Variants in GREB1 observed in about 807,000 individuals in gnomAD.
GREB1 encodes the protein protein GREB1.
GREB1 carries 106 observed loss-of-function variants against 200.7 expected under a neutral mutation model. The ratio of observed to expected loss-of-function variants is 0.53; its 90% CI spans 0.45 to 0.62. The LOEUF (loss-of-function observed/expected upper bound fraction) is 0.62. Ranked by LOEUF, GREB1 falls within the 20% of genes least tolerant of loss-of-function variation. The pLI, the probability that GREB1 is intolerant of heterozygous loss-of-function variation, is 0.00. For synonymous variants in GREB1, 1,132 were observed against 1,092.4 expected (o/e 1.04, Z -0.72); for missense variants, 2,243 against 2,556.8 (o/e 0.88, Z 2.65).
chr2:11,618,396 G>C lies in GREB1; in HGVS notation c.3521G>C (p.Gly1174Ala), dbSNP rs777852827. The change falls in exon 22 of 33, where the codon GGT becomes GCT. Residue 1174 changes from glycine to alanine, a missense_variant. Gly to Ala is a moderately conservative substitution (Grantham distance 60). Around this residue, in one of 3 missense-constraint regions of GREB1, gnomAD observed 587 missense variants for 553.1 expected, o/e 1.06. Coordinates refer to ENST00000381486, the MANE Select transcript of GREB1 (RefSeq NM_014668.4). ...CCCGCAGAGGAGGGCAGAGCCCCTG[G>C]TGAGAAACAGAGGCCCCGGGCAAGT... ...RGPAEEGRAP[G>A]EKQRPRASQG... The C allele has an allele frequency of 1.4e-5, 22 of 1,611,344 alleles. No individual in the cohort carries two copies. In the East Asian group the frequency reaches 4.9e-4, roughly 36 times the overall value.
intron 13 of GREB1, among the ~76,000 whole-genome samples, chr2:11,596,702 T>A (rs1681275749): frequency 1.5e-5 from 1 of 66,016 alleles, no homozygotes; most frequent in African/African-American, 6.2e-5. Flanking sequence ...GGGGCACAGG[T>A]GTGTACAGTG....
At chr2:11,626,230 C>A (rs991518616) in intron 24 of GREB1, among the ~76,000 whole-genome samples, 2 of 152,032 alleles carry the variant, frequency 1.3e-5, no homozygotes, top group Non-Finnish European at 2.9e-5. Flanking sequence ...ACTGAGGATC[C>A]TTCTCGTAGG....
chr2:11,489,881 G>A (rs1382249216), intron 1 of GREB1, among the ~76,000 whole-genome samples: 3 of 151,738 alleles, frequency 2.0e-5, no homozygotes, highest in Admixed American at 6.6e-5. Context: ...TGTTAAGGCT[G>A]AGCAGTATCT....
At chr2:11,487,686 C>G (rs527389872) in intron 1 of GREB1, among the ~76,000 whole-genome samples, 17 of 152,342 alleles carry the variant, frequency 1.1e-4, no homozygotes, top group Middle Eastern at 3.4e-3. Context: ...TTGTGAGCCT[C>G]TGTGTTCATC....
chr2:11,551,822 C>T (rs1675879061), intron 1 of GREB1, among the ~76,000 whole-genome samples: 1 of 152,212 alleles, frequency 6.6e-6, no homozygotes, highest in African/African-American at 2.4e-5. Flanking sequence ...CTACTCAGCC[C>T]TCCTGGCCTG....
At chr2:11,634,388 TG>T (rs769503137) in intron 29 of GREB1, 39 bp downstream of exon 29, 1 of 1,535,704 alleles carries the variant, frequency 6.5e-7, no homozygotes, top group East Asian at 2.3e-5. Flanking sequence ...GCGGCAGCCC[TG>T]GGGGCGCAGA....
At chr2:11,595,171 G>T in intron 11 of GREB1, 80 bp from the exon 12 acceptor site, 1 of 1,312,180 alleles carries the variant, frequency 7.6e-7, no homozygotes, top group Non-Finnish European at 1.1e-6. Context: ...GTCTAGAAGG[G>T]TTAAGGGACT....
intron 9 of GREB1, chr2:11,587,514 C>T (rs1398487643): frequency 2.5e-6 from 4 of 1,575,004 alleles, no homozygotes; most frequent in Non-Finnish European, 3.5e-6. Flanking sequence ...GCATCAGAAG[C>T]CCTGGGTGGC....
Position 11,635,389 on chromosome 2 carries a change from T to C in GREB1, c.5330T>C (p.Phe1777Ser). 1 of 1,611,522 alleles carries C rather than the reference T, an allele frequency of 6.2e-7. No homozygotes were observed. Residue 1777 changes from phenylalanine (F) to serine (S), a missense_variant, in exon 30 of 33, where the codon TTC becomes TCC. Phe to Ser is a radical substitution (Grantham distance 155). Transcript: ENST00000381486. ...ATCGTGGTGGGCGGCCACAGGTCCT[T>C]CCACATCACATCCAAGGTGAGCTCC... is the stretch of plus-strand genomic sequence containing the variant. ...KQIVVGGHRSFHITSKVSDNS... is the reference protein window; with the variant it reads ...KQIVVGGHRSSHITSKVSDNS...
Position 11,625,143 on chromosome 2 carries a change from C to T in GREB1, c.4148-11C>T, listed in dbSNP as rs200389113. On this transcript the variant is annotated splice_polypyrimidine_tract_variant and intron_variant, in intron 23 of 32. Coordinates refer to ENST00000381486, the MANE Select transcript of GREB1 (RefSeq NM_014668.4). ...TATTTTGTCACATCTATGTTTCTAC[C>T]AATCTTGTAGACCTCAGAGAAGAAT... The T allele has an allele frequency of 1.9e-6, 3 of 1,605,710 alleles. No homozygotes were observed. Among genetic ancestry groups the T allele is most frequent in the Non-Finnish European group, 1.7e-6 (2 of 1,172,996 alleles).
At chr2:11,521,971 C>T (rs62120187) in intron 1 of GREB1, among the ~76,000 whole-genome samples, 6,174 of 152,262 alleles carry the variant, frequency 0.041, 156 homozygotes, top group Middle Eastern at 0.1. Context: ...GCTTTTCTCC[C>T]GCTGGGTGTA....
rs1685102556 is a variant in GREB1, at chr2:11,633,997, G to C, written c.4992-134G>C. On this transcript the variant is annotated intron_variant, in intron 28 of 32. Coordinates refer to ENST00000381486, the MANE Select transcript of GREB1 (RefSeq NM_014668.4). This position sits in a 1 kb window ranked among gnomAD's most constrained non-coding sequence, Gnocchi z 4.1. ...GCGCCCAGCAGGGTGCCTGGCCCTG[G>C]GGGGACTGTGCGGGGCACCGGCCCG... The C allele has an allele frequency of 2.5e-6, 2 of 798,262 alleles. No individual in the cohort carries two copies. Among genetic ancestry groups the C allele is most frequent in the Admixed American group, 2.0e-5 (1 of 50,084 alleles). The allele number at this position is 798,262 out of a possible 1,614,324, so 49.4% of individuals were successfully genotyped here.
intron 1 of GREB1, among the ~76,000 whole-genome samples, chr2:11,538,689 C>A (rs1674440290): frequency 1.4e-5 from 1 of 73,552 alleles, no homozygotes; most frequent in Non-Finnish European, 3.0e-5. Flanking sequence ...TTCTTTCTTT[C>A]CTTCCTCCCT....
intron 1 of GREB1, among the ~76,000 whole-genome samples, chr2:11,556,154 G>T (rs191774374): frequency 4.4e-4 from 67 of 152,298 alleles, no homozygotes; most frequent in African/African-American, 1.4e-3. Context: ...CTGGGAAGGT[G>T]GGGGAGGCCG....
Position 11,627,003 on chromosome 2 carries a change from C to T in GREB1, c.4348C>T (p.Arg1450Cys), listed in dbSNP as rs771295305. 19 of 1,613,794 alleles carry T rather than the reference C, an allele frequency of 1.2e-5. No homozygotes were observed. The highest frequency in any genetic ancestry group is 5.5e-5 in the South Asian group (5 of 91,082). Reference protein sequence around the residue: ...SRKPEDLYVRRQTARMRLSKY... With the variant: ...SRKPEDLYVRCQTARMRLSKY... ...GAAGCCGGAGGACCTTTATGTGCGG[C>T]GTCAGACGGCACGGATGAGACTGTC... Residue 1450 changes from arginine (R) to cysteine (C), a missense_variant, in exon 25 of 33, where the codon CGT (arginine) becomes TGT (cysteine). By Grantham distance (180) the Arg-to-Cys change is radical. Transcript: ENST00000381486.
At chr2:11,501,896 T>TTTG (rs1673051336) in intron 1 of GREB1, among the ~76,000 whole-genome samples, 1 of 16,782 alleles carries the variant, frequency 6.0e-5, no homozygotes, top group Non-Finnish European at 1.2e-4. Flanking sequence ...GGATTTCCTG[T>TTTG]TTTTTTTTGT....
intron 15 of GREB1, among the ~76,000 whole-genome samples, chr2:11,599,215 G>C (rs1264478232): frequency 3.3e-5 from 5 of 152,182 alleles, no homozygotes; most frequent in Admixed American, 2.6e-4. Flanking sequence ...CAGCAACAAG[G>C]AGCCATGCTG....
chr2:11,526,680 C>G (rs981225754), intron 1 of GREB1, among the ~76,000 whole-genome samples: 4 of 151,836 alleles, frequency 2.6e-5, no homozygotes, highest in Admixed American at 2.6e-4. Flanking sequence ...CTCAGCCTCT[C>G]GAGCAGCTGG....
intron 17 of GREB1, among the ~76,000 whole-genome samples, chr2:11,605,641 A>G (rs1682215186): frequency 6.6e-6 from 1 of 152,158 alleles, no homozygotes; most frequent in Non-Finnish European, 1.5e-5. Context: ...TCCTTTTCCC[A>G]CAGTAGAAAT....
Sources: gnomAD v4.1 joint callset for allele counts (sites outside exome capture counted in the v4.1 genomes callset) on GRCh38, gnomAD v4.1.1 for gene constraint, gnomAD v4.1.1 regional missense constraint, Gnocchi (gnomAD v3.1) non-coding constraint, MANE v1.5 for transcripts, NCBI Gene and HGNC (gene_info 2026-07-23, HGNC 2026-07-21) for gene names.